HRH1: variants seen among roughly 807,000 people sequenced by gnomAD.
The protein encoded by HRH1 is histamine receptor H1.
HRH1 carries 6 observed loss-of-function variants against 10.3 expected under a neutral mutation model. That is an observed-to-expected ratio of 0.58 (90% confidence interval 0.32 to 1.15). The LOEUF is 1.15. Ranked by LOEUF, HRH1 falls within the 50% of genes most tolerant of loss-of-function variation. The pLI is 0.05. For missense variants in HRH1, 514 were observed against 615.3 expected, an observed-to-expected ratio of 0.84 and a Z score of 1.74; for synonymous variants, 242 against 236.7, an observed-to-expected ratio of 1.02 and a Z score of -0.21.
chr3:11,210,409 T>G (rs346067), intron 1 of HRH1, among the ~76,000 whole-genome samples: 1 of 151,690 alleles, frequency 6.6e-6, no homozygotes, highest in Non-Finnish European at 1.5e-5. Context: ...AATAAATAAA[T>G]AAATGGGGTT....
At chr3:11,218,556 A>G (rs1289543166) in intron 1 of HRH1, among the ~76,000 whole-genome samples, 3 of 152,102 alleles carry the variant, frequency 2.0e-5, no homozygotes, top group Non-Finnish European at 4.4e-5. Flanking sequence ...TGAGGAGCAC[A>G]CAGCAAAGTT....
chr3:11,193,971 T>C (rs1011357479), intron 1 of HRH1, among the ~76,000 whole-genome samples: 1 of 152,284 alleles, frequency 6.6e-6, no homozygotes, highest in African/African-American at 2.4e-5. Flanking sequence ...TGAGTTGTTT[T>C]CTGCTTTGCA....
intron 1 of HRH1, among the ~76,000 whole-genome samples, chr3:11,144,195 A>G (rs1936354468): frequency 6.6e-6 from 1 of 151,998 alleles, no homozygotes; most frequent in Admixed American, 6.6e-5. Context: ...CAATCTCACT[A>G]CTGAGTATCT....
intron 1 of HRH1, among the ~76,000 whole-genome samples, chr3:11,224,667 T>A (rs1938824459): frequency 6.8e-6 from 1 of 147,718 alleles, no homozygotes; most frequent in Non-Finnish European, 1.5e-5. Context: ...GCCACTGCAC[T>A]CCAGCCTGGG....
chr3:11,252,033 T>C (rs1044521768), intron 1 of HRH1, among the ~76,000 whole-genome samples: 2 of 152,164 alleles, frequency 1.3e-5, no homozygotes, highest in Non-Finnish European at 2.9e-5. Context: ...GAATGGCTGC[T>C]TAGGGAGGGT....
chr3:11,250,208 A>ATTTTTTTTTTT (rs71055857), intron 1 of HRH1, among the ~76,000 whole-genome samples: 717 of 106,720 alleles, frequency 6.7e-3, no homozygotes, highest in Non-Finnish European at 0.01. Flanking sequence ...CACCCGGCTA[A>ATTTTTTTTTTT]TTTTTTTTTT....
At chr3:11,234,414 G>A (rs73814583) in intron 1 of HRH1, 184 of 1,604,630 alleles carry the variant, frequency 1.1e-4, no homozygotes, top group African/African-American at 8.7e-4. Flanking sequence ...GCCCGGAACC[G>A]GTCTACACAG....
intron 1 of HRH1, among the ~76,000 whole-genome samples, chr3:11,141,284 C>A (rs746041068): frequency 6.6e-6 from 1 of 152,208 alleles, no homozygotes; most frequent in Non-Finnish European, 1.5e-5. Flanking sequence ...AAAAATCACA[C>A]ACTATGCTCC....
intron 1 of HRH1, among the ~76,000 whole-genome samples, chr3:11,187,459 T>C (rs989382591): frequency 3.9e-5 from 6 of 151,978 alleles, no homozygotes; most frequent in African/African-American, 1.4e-4. Context: ...ATAAAACACA[T>C]GACCTTGCAC....
chr3:11,168,284 G>A (rs548932317), intron 1 of HRH1, among the ~76,000 whole-genome samples: 2 of 152,312 alleles, frequency 1.3e-5, no homozygotes, highest in South Asian at 4.1e-4. Flanking sequence ...GCCAGACATG[G>A]AGGGCACTGC....
chr3:11,210,797 G>A (rs200443643), intron 1 of HRH1, among the ~76,000 whole-genome samples: 419 of 135,110 alleles, frequency 3.1e-3, no homozygotes, highest in Non-Finnish European at 3.6e-3. Context: ...TGTCTCAAAA[G>A]AAAAAAAAAA....
At chr3:11,163,917 T>C (rs1042144424) in intron 1 of HRH1, among the ~76,000 whole-genome samples, 3 of 152,098 alleles carry the variant, frequency 2.0e-5, no homozygotes, top group African/African-American at 7.2e-5. Context: ...ACTCACATCT[T>C]CCATACATGT....
intron 1 of HRH1, among the ~76,000 whole-genome samples, chr3:11,213,837 GC>G (rs1938406416): frequency 6.6e-6 from 1 of 152,228 alleles, no homozygotes; most frequent in African/African-American, 2.4e-5. Context: ...AACGGTGGCT[GC>G]CCTGGACTCT....
intron 1 of HRH1, among the ~76,000 whole-genome samples, chr3:11,174,800 G>T (rs1446074829): frequency 6.6e-6 from 1 of 152,184 alleles, no homozygotes; most frequent in Non-Finnish European, 1.5e-5. Context: ...ACAGCCTCGG[G>T]ATTCAGCTCC....
intron 1 of HRH1, among the ~76,000 whole-genome samples, chr3:11,253,649 C>G (rs1429469877): frequency 6.6e-6 from 1 of 152,158 alleles, no homozygotes; most frequent in East Asian, 1.9e-4. Context: ...TCCCTAAGGT[C>G]TCTCATATTT....
chr3:11,197,376 A>C (rs1182826463), intron 1 of HRH1, among the ~76,000 whole-genome samples: 1 of 152,116 alleles, frequency 6.6e-6, no homozygotes, highest in Non-Finnish European at 1.5e-5. Flanking sequence ...CCAACTTTAT[A>C]ACTTCAGTGC....
chr3:11,218,782 C>G (rs932031985), intron 1 of HRH1, among the ~76,000 whole-genome samples: 6 of 152,176 alleles, frequency 3.9e-5, no homozygotes, highest in Admixed American at 1.3e-4. Flanking sequence ...CACCATGTTG[C>G]CCAGGCTGGT....
At chr3:11,207,715 G>A (rs1020641473) in intron 1 of HRH1, among the ~76,000 whole-genome samples, 5 of 152,106 alleles carry the variant, frequency 3.3e-5, no homozygotes, top group African/African-American at 1.2e-4. Context: ...TTCCCTCCTA[G>A]GGTGATTCTG....
intron 1 of HRH1, chr3:11,234,386 T>C (rs1036779854): frequency 7.5e-6 from 12 of 1,604,374 alleles, no homozygotes; most frequent in African/African-American, 6.7e-5. Flanking sequence ...TGGGTATTTC[T>C]GCAGGCATTC....
Sources: allele counts gnomAD v4.1 joint callset (sites outside exome capture counted in the v4.1 genomes callset), GRCh38; gene constraint gnomAD v4.1.1; transcripts MANE v1.5; gene names NCBI Gene and HGNC (gene_info 2026-07-23, HGNC 2026-07-21).